Variants in LRRC2 observed in about 807,000 individuals in gnomAD.
LRRC2 encodes leucine rich repeat containing 2.
A neutral mutation model predicts 40.2 loss-of-function variants in LRRC2; 27 were observed. The ratio of observed to expected loss-of-function variants is 0.67; its 90% CI spans 0.49 to 0.93. The LOEUF (loss-of-function observed/expected upper bound fraction) is 0.93, where lower values mean the gene tolerates loss of function less well. Among genes scored for constraint, LRRC2 ranks in the 40% least tolerant of loss-of-function variants. The pLI is 0.00. For synonymous variants in LRRC2, 147 were observed against 158.9 expected (o/e 0.92, Z 0.56); for missense variants, 402 against 439.6 (o/e 0.91, Z 0.76).
intron 4 of LRRC2, among the ~76,000 whole-genome samples, chr3:46,533,702 TTTCCTTCC>T (rs372699647): frequency 0.019 from 1,704 of 89,446 alleles, 34 homozygotes; most frequent in African/African-American, 0.052. Flanking sequence ...GTATTCACAG[TTTCCTTCC>T]TTCCTTCCTT....
chr3:46,542,271 G>A (rs1269747665), intron 3 of LRRC2, among the ~76,000 whole-genome samples: 2 of 152,054 alleles, frequency 1.3e-5, no homozygotes, highest in African/African-American at 4.8e-5. Context: ...GCTAAGGCAA[G>A]ACAATCACTT....
At position 46,545,122 on chromosome 3, in the gene LRRC2, C is replaced by G. The variant is rs754576880; in HGVS notation, c.257G>C (p.Arg86Thr). 110 of 1,614,164 alleles carry G rather than the reference C, an allele frequency of 6.8e-5. No individual in the cohort carries two copies. In the East Asian group the frequency reaches 1.8e-3, roughly 26 times the overall value. ...LDKIERNTLT[R>T]QSSLPKDRGK... The stretch of plus-strand genomic sequence containing the variant: ...TCTGTCCTTGGGAAGTGAACTCTGC[C>G]TTGTGAGAGTGTTCCTTTCAATCTT... Residue 86 changes from arginine (R) to threonine (T), a missense_variant, in exon 3 of 9, where the codon AGG becomes ACG. Transcript: ENST00000395905.
intron 3 of LRRC2, among the ~76,000 whole-genome samples, 197 bp from the exon 4 acceptor site, chr3:46,539,398 C>A (rs1414507492): frequency 6.6e-6 from 1 of 152,172 alleles, no homozygotes; most frequent in Non-Finnish European, 1.5e-5. Flanking sequence ...AGTATATTAG[C>A]CCTATTTCAA....
rs1228209816 is a variant in LRRC2 at position 46,539,212 on chromosome 3, AAG to A, written c.334-13_334-12del. 6.2e-7 allele frequency: 1 copy of A among 1,612,916 alleles called. No homozygotes were observed. The highest frequency in any genetic ancestry group is 8.5e-7 in the Non-Finnish European group (1 of 1,179,550). On this transcript the variant is annotated splice_polypyrimidine_tract_variant and intron_variant, in intron 3 of 8. Transcript: ENST00000395905. ...TGAATCTGGGAGCTCCTAAAATAGA[AAG>A]AATGACATCAATCAGAACTAGCTCC...
intron 2 of LRRC2, among the ~76,000 whole-genome samples, chr3:46,548,447 A>G (rs1375459026): frequency 6.6e-6 from 1 of 152,236 alleles, no homozygotes; most frequent in Non-Finnish European, 1.5e-5. Flanking sequence ...TAATTAAAAT[A>G]AATAAAATTC....
At chr3:46,563,198 T>C (rs550137169) in intron 1 of LRRC2, among the ~76,000 whole-genome samples, 2 of 152,276 alleles carry the variant, frequency 1.3e-5, no homozygotes, top group Admixed American at 6.5e-5. Flanking sequence ...CTTGCCTCAG[T>C]TGGGGAAAGG....
At chr3:46,520,463 A>C (rs1346586813) in intron 8 of LRRC2, among the ~76,000 whole-genome samples, 3 of 152,214 alleles carry the variant, frequency 2.0e-5, no homozygotes, top group Non-Finnish European at 4.4e-5. Context: ...AATTTATTTC[A>C]TATTAGTTCA....
rs764996936 is a variant in LRRC2 at position 46,518,969 on chromosome 3, A to G, written c.*45T>C. 3.1e-6 allele frequency: 4 copies of G among 1,289,022 alleles called. No individual in the cohort carries two copies. In the African/African-American group the frequency reaches 4.4e-5, roughly 14 times the overall value. The allele number at this position is 1,289,022 out of a possible 1,614,324, so 79.8% of individuals were successfully genotyped here. A position where few individuals can be genotyped will look rare whatever the true frequency, so the allele number is the denominator to read the frequency against. On this transcript the variant is annotated 3_prime_UTR_variant, in exon 9 of 9. Coordinates refer to ENST00000395905, the MANE Select transcript of LRRC2 (RefSeq NM_024512.5). Reference sequence around the variant, plus strand: ...TGACATGATCATAACAAAGATTTATATATAGCTCCAGAGAATAGTGAGATT... The same window carrying G: ...TGACATGATCATAACAAAGATTTATGTATAGCTCCAGAGAATAGTGAGATT...
intron 3 of LRRC2, among the ~76,000 whole-genome samples, chr3:46,543,833 G>A (rs2107022153): frequency 6.6e-6 from 1 of 152,022 alleles, no homozygotes; most frequent in South Asian, 2.1e-4. Context: ...CCTAGAATAG[G>A]CAGCCCGTTA....
At chr3:46,542,881 T>G (rs2107019624) in intron 3 of LRRC2, among the ~76,000 whole-genome samples, 1 of 152,230 alleles carries the variant, frequency 6.6e-6, no homozygotes, top group Admixed American at 6.5e-5. Context: ...CCGCAGCAGA[T>G]CTCTCTCTAC....
intron 7 of LRRC2, among the ~76,000 whole-genome samples, chr3:46,523,550 A>G (rs538808513): frequency 3.9e-5 from 6 of 152,326 alleles, no homozygotes; most frequent in African/African-American, 1.4e-4. Context: ...AAATATTCAC[A>G]AAAGTAGAAA....
rs1703855490 is a variant in LRRC2 at position 46,515,996 on chromosome 3, G to A, written c.*3018C>T. 1 of 123,456 alleles carries A rather than the reference G, an allele frequency of 8.1e-6. No individual in the cohort carries two copies. The highest frequency in any genetic ancestry group is 1.6e-5 in the Non-Finnish European group (1 of 64,046). The allele number at this position is 123,456 out of a possible 1,614,324, so 7.6% of individuals were successfully genotyped here. ...TTTTTTTGAGATGGAGTCTCACTCT[G>A]TTGCCCAGGCTGGAGTGCAATGGTG... On this transcript the variant is annotated 3_prime_UTR_variant, in exon 9 of 9. Transcript: ENST00000395905.
intron 8 of LRRC2, among the ~76,000 whole-genome samples, chr3:46,520,257 T>A (rs1483832193): frequency 6.6e-6 from 1 of 150,562 alleles, no homozygotes; most frequent in Non-Finnish European, 1.5e-5. Context: ...GCTGGCCACA[T>A]AGATCCAGAA....
chr3:46,519,140 TAA>T, intron 8 of LRRC2, 77 bp from the exon 9 acceptor site: 18 of 963,982 alleles, frequency 1.9e-5, no homozygotes, highest in Non-Finnish European at 3.1e-5. Flanking sequence ...ATGACATACA[TAA>T]TGAATGTATG....
At chr3:46,537,844 T>C (rs1012284625) in intron 4 of LRRC2, among the ~76,000 whole-genome samples, 1 of 152,166 alleles carries the variant, frequency 6.6e-6, no homozygotes, top group Non-Finnish European at 1.5e-5. Flanking sequence ...CTGATGTGAG[T>C]TGCACTTACA....
At chr3:46,548,229 GA>G (rs1296076894) in intron 2 of LRRC2, among the ~76,000 whole-genome samples, 4 of 151,830 alleles carry the variant, frequency 2.6e-5, no homozygotes, top group Non-Finnish European at 5.9e-5. Flanking sequence ...ATAAAATGGA[GA>G]AAAAAGAAAA....
chr3:46,543,240 C>T (rs925032004), intron 3 of LRRC2, among the ~76,000 whole-genome samples: 7 of 152,094 alleles, frequency 4.6e-5, no homozygotes, highest in Admixed American at 4.6e-4. Context: ...GGACGCCATC[C>T]ACCTGGTTCA....
At chr3:46,553,903 C>G (rs2107044426) in intron 1 of LRRC2, among the ~76,000 whole-genome samples, 1 of 152,338 alleles carries the variant, frequency 6.6e-6, no homozygotes, top group South Asian at 2.1e-4. Flanking sequence ...TAATTTTACT[C>G]TAAAGAGCTG....
chr3:46,534,591 C>T (rs939421), intron 4 of LRRC2, among the ~76,000 whole-genome samples: 99,895 of 151,820 alleles, frequency 0.66, 33,652 homozygotes, highest in Middle Eastern at 0.78. Flanking sequence ...CCATTGTAAA[C>T]TGGGGATCAT....
Sources: allele counts gnomAD v4.1 joint callset (sites outside exome capture counted in the v4.1 genomes callset), GRCh38; gene constraint gnomAD v4.1.1; transcripts MANE v1.5; gene names NCBI Gene and HGNC (gene_info 2026-07-23, HGNC 2026-07-21).